Variants in FGF12 observed in about 807,000 individuals in gnomAD.
FGF12 encodes the protein fibroblast growth factor 12B.
FGF12 carries 14 observed loss-of-function variants against 23.6 expected under a neutral mutation model. The observed-to-expected ratio is 0.59, with a 90% CI of 0.39 to 0.93. FGF12 has a LOEUF of 0.93. Ranked by LOEUF, FGF12 falls within the 40% of genes least tolerant of loss-of-function variation. FGF12 has a pLI of 0.00. For missense variants in FGF12, 175 were observed against 217.8 expected, an observed-to-expected ratio of 0.80 and a Z score of 1.24; for synonymous variants, 62 against 77.3, an observed-to-expected ratio of 0.80 and a Z score of 1.04.
At chr3:192,233,274 T>A (rs1719117794) in intron 4 of FGF12, among the ~76,000 whole-genome samples, 1 of 152,174 alleles carries the variant, frequency 6.6e-6, no homozygotes. Flanking sequence ...TATCTCATTG[T>A]GGTTTTTATT....
At chr3:192,509,292 A>T (rs1461281426) in intron 2 of FGF12, among the ~76,000 whole-genome samples, 1 of 152,226 alleles carries the variant, frequency 6.6e-6, no homozygotes, top group Non-Finnish European at 1.5e-5. Context: ...CATGAGCCAG[A>T]TGGGAGCATT....
At chr3:192,451,831 G>C (rs1039101461) in intron 2 of FGF12, among the ~76,000 whole-genome samples, 3 of 152,170 alleles carry the variant, frequency 2.0e-5, no homozygotes. Flanking sequence ...GCTACTGACG[G>C]AACCTGGGTA....
At chr3:192,401,821 C>G (rs1720772791) in intron 2 of FGF12, among the ~76,000 whole-genome samples, 1 of 152,216 alleles carries the variant, frequency 6.6e-6, no homozygotes, top group Non-Finnish European at 1.5e-5. Context: ...TTCAGAAGCA[C>G]CGAGCTCCCT....
At chr3:192,467,856 T>A (rs1420121661) in intron 2 of FGF12, among the ~76,000 whole-genome samples, 1 of 152,158 alleles carries the variant, frequency 6.6e-6, no homozygotes, top group African/African-American at 2.4e-5. Context: ...AGAGAACACA[T>A]TTGCTTTGAC....
intron 2 of FGF12, among the ~76,000 whole-genome samples, chr3:192,628,077 A>G (rs1402873487): frequency 6.6e-6 from 1 of 152,134 alleles, no homozygotes; most frequent in Non-Finnish European, 1.5e-5. Flanking sequence ...CATTTAAAAA[A>G]CATTACATGA....
At chr3:192,181,442 G>A (rs1385907725) in intron 4 of FGF12, among the ~76,000 whole-genome samples, 1 of 151,656 alleles carries the variant, frequency 6.6e-6, no homozygotes, top group Non-Finnish European at 1.5e-5. Flanking sequence ...TAATCCAAAT[G>A]CCAGAACAAA....
chr3:192,474,901 G>T (rs1433796753), intron 2 of FGF12, among the ~76,000 whole-genome samples: 2 of 143,446 alleles, frequency 1.4e-5, no homozygotes, highest in Non-Finnish European at 3.0e-5. Flanking sequence ...AAAAAAAAAA[G>T]AAAGAAAGGA....
intron 4 of FGF12, among the ~76,000 whole-genome samples, chr3:192,211,849 T>C (rs185937669): frequency 2.0e-5 from 3 of 152,324 alleles, no homozygotes; most frequent in Admixed American, 6.5e-5. Flanking sequence ...TAATACAAAA[T>C]AGCTTTCCCT....
chr3:192,155,146 G>T (rs1461245418), intron 5 of FGF12, among the ~76,000 whole-genome samples: 1 of 152,004 alleles, frequency 6.6e-6, no homozygotes, highest in Non-Finnish European at 1.5e-5. Flanking sequence ...CTTCCCAGGT[G>T]AGGCAATGCC....
chr3:192,524,493 G>A (rs1241098550), intron 2 of FGF12, among the ~76,000 whole-genome samples: 1 of 152,188 alleles, frequency 6.6e-6, no homozygotes, highest in African/African-American at 2.4e-5. Context: ...AAATGGTTGT[G>A]GGAAAGGAGG....
chr3:192,630,870 T>C (rs919083725), intron 2 of FGF12, among the ~76,000 whole-genome samples: 5 of 151,984 alleles, frequency 3.3e-5, no homozygotes, highest in Admixed American at 6.6e-5. Context: ...CTTTTTTTTT[T>C]CTTAGAAAAA....
intron 2 of FGF12, among the ~76,000 whole-genome samples, chr3:192,611,876 G>A (rs559667530): frequency 4.6e-5 from 7 of 152,052 alleles, no homozygotes; most frequent in South Asian, 2.1e-4. Context: ...ATAGCCCCAC[G>A]TTCAAATAAA....
Position 192,336,362 on chromosome 3 carries a change from C to T in FGF12, c.125-898G>A, listed in dbSNP as rs749696955. ...CCACTTAGAGAAGGAATTCGTAGAT[C>T]AGAAAAAAAGATACCTAAGAGAACC... On this transcript the variant is annotated intron_variant, in intron 3 of 5. Coordinates refer to ENST00000445105, the MANE Select transcript of FGF12 (RefSeq NM_004113.6). The surrounding 1 kb of genome is among the most constrained non-coding windows in gnomAD (Gnocchi z 4.3). Among the ~76,000 whole-genome samples the T allele has an allele frequency of 6.6e-6, 1 of 151,848 alleles. No individual in the cohort carries two copies. The highest frequency in any genetic ancestry group is 1.5e-5 in the Non-Finnish European group (1 of 67,920).
chr3:192,236,497 T>C (rs1719306362), intron 4 of FGF12, among the ~76,000 whole-genome samples: 1 of 152,204 alleles, frequency 6.6e-6, no homozygotes, highest in Non-Finnish European at 1.5e-5. Flanking sequence ...TATCTAAGTC[T>C]CTTTATAGGT....
At chr3:192,454,660 T>A (rs1409880077) in intron 2 of FGF12, among the ~76,000 whole-genome samples, 1 of 152,210 alleles carries the variant, frequency 6.6e-6, no homozygotes, top group African/African-American at 2.4e-5. Flanking sequence ...TCAGACTACA[T>A]AGTTCCAGCC....
intron 2 of FGF12, among the ~76,000 whole-genome samples, chr3:192,502,187 T>A (rs1383725252): frequency 6.6e-6 from 1 of 152,176 alleles, no homozygotes; most frequent in Non-Finnish European, 1.5e-5. Context: ...TTTCCCATTC[T>A]TTGTTCTTGG....
At chr3:192,677,418 T>C (rs1717366023) in intron 2 of FGF12, among the ~76,000 whole-genome samples, 2 of 152,224 alleles carry the variant, frequency 1.3e-5, no homozygotes, top group South Asian at 2.1e-4. Context: ...ACCGTGATGC[T>C]GTCAGAGTTC....
intron 2 of FGF12, among the ~76,000 whole-genome samples, chr3:192,440,174 G>GA (rs1222866593): frequency 1.3e-5 from 2 of 151,876 alleles, no homozygotes; most frequent in African/African-American, 2.4e-5. Context: ...TCAAAGACTG[G>GA]AAAAAAATGG....
At chr3:192,488,257 T>C (rs1025328752) in intron 2 of FGF12, among the ~76,000 whole-genome samples, 1 of 152,114 alleles carries the variant, frequency 6.6e-6, no homozygotes, top group Non-Finnish European at 1.5e-5. Context: ...ATAGATACAA[T>C]AATTATGAAA....
Sources: allele counts gnomAD v4.1 joint callset (sites outside exome capture counted in the v4.1 genomes callset), GRCh38; gene constraint gnomAD v4.1.1; non-coding constraint Gnocchi (gnomAD v3.1); transcripts MANE v1.5; gene names NCBI Gene and HGNC (gene_info 2026-07-23, HGNC 2026-07-21).